DENND1B: variants seen among roughly 807,000 people sequenced by gnomAD.
DENND1B encodes the protein DENN domain containing 1B.
Under a neutral mutation model 90.1 loss-of-function variants are expected in DENND1B, and 59 were observed. The observed-to-expected ratio is 0.65, with a 90% confidence interval of 0.53 to 0.81. The LOEUF is 0.81. DENND1B is among the 40% of genes least tolerant of loss of function. DENND1B has a pLI of 0.00. For missense variants in DENND1B, 862 were observed against 912.6 expected (o/e 0.94, Z 0.71); for synonymous variants, 337 against 324.6 (o/e 1.04, Z -0.41).
intron 13 of DENND1B, among the ~76,000 whole-genome samples, chr1:197,600,466 C>CT (rs1676101509): frequency 6.6e-6 from 1 of 151,676 alleles, no homozygotes; most frequent in Non-Finnish European, 1.5e-5. Context: ...TCTGTGGATT[C>CT]TCCTCTTTAC....
chr1:197,613,165 G>A (rs1198575108), intron 11 of DENND1B, among the ~76,000 whole-genome samples: 1 of 150,560 alleles, frequency 6.6e-6, no homozygotes, highest in African/African-American at 2.4e-5. Flanking sequence ...AAATTTCTGT[G>A]TGTTCACTTT....
At chr1:197,666,395 C>T (rs1257028974) in intron 5 of DENND1B, among the ~76,000 whole-genome samples, 1 of 152,118 alleles carries the variant, frequency 6.6e-6, no homozygotes, top group East Asian at 1.9e-4. Flanking sequence ...GAACTAAATA[C>T]CAAAACATAA....
At chr1:197,743,896 G>A (rs1022588869) in intron 2 of DENND1B, among the ~76,000 whole-genome samples, 1 of 152,088 alleles carries the variant, frequency 6.6e-6, no homozygotes, top group African/African-American at 2.4e-5. Flanking sequence ...TAAACCCTTG[G>A]TTGTCATCTC....
At chr1:197,673,780 G>A (rs150341914) in intron 4 of DENND1B, among the ~76,000 whole-genome samples, 1 of 152,072 alleles carries the variant, frequency 6.6e-6, no homozygotes, top group Non-Finnish European at 1.5e-5. Flanking sequence ...CATACATCAA[G>A]ACATAATTCT....
chr1:197,555,155 C>T (rs1257718191), intron 15 of DENND1B, among the ~76,000 whole-genome samples: 1 of 152,008 alleles, frequency 6.6e-6, no homozygotes, highest in Non-Finnish European at 1.5e-5. Flanking sequence ...TGGAGTCTTA[C>T]ATCTCAAGAT....
chr1:197,628,770 C>T (rs1459827853), intron 10 of DENND1B, among the ~76,000 whole-genome samples: 1 of 151,840 alleles, frequency 6.6e-6, no homozygotes, highest in Non-Finnish European at 1.5e-5. Context: ...TTTTTGCAAC[C>T]TACTCATCTG....
Position 197,769,982 on chromosome 1 carries a change from T to TA in DENND1B, c.82+2885dup, listed in dbSNP as rs1391997506. ...AAAATTTACTTTTATAGCCCTCTTATAGTTATTGATTTTATTATTTATAGC... is the reference window on the plus strand; with the variant it reads ...AAAATTTACTTTTATAGCCCTCTTATAAGTTATTGATTTTATTATTTATAGC... On this transcript the variant is annotated intron_variant, in intron 2 of 22. Transcript: ENST00000620048. Among the ~76,000 whole-genome samples the TA allele has an allele frequency of 3.3e-5, 5 of 152,248 alleles. No homozygotes were observed. The East Asian group carries it at 7.7e-4, about 24-fold the overall frequency.
chr1:197,665,813 T>C (rs576980035), intron 5 of DENND1B, among the ~76,000 whole-genome samples: 18 of 152,210 alleles, frequency 1.2e-4, no homozygotes, highest in Admixed American at 4.6e-4. Flanking sequence ...AATGAGAAGA[T>C]TTTTATGAAA....
intron 15 of DENND1B, among the ~76,000 whole-genome samples, chr1:197,561,175 A>G (rs1440099932): frequency 6.6e-6 from 1 of 151,954 alleles, no homozygotes; most frequent in Non-Finnish European, 1.5e-5. Context: ...AAAATTCAAA[A>G]GAGCTGTCAG....
At chr1:197,717,737 A>G (rs1383840944) in intron 2 of DENND1B, among the ~76,000 whole-genome samples, 1 of 151,952 alleles carries the variant, frequency 6.6e-6, no homozygotes, top group Non-Finnish European at 1.5e-5. Context: ...TATTTTCCCA[A>G]TCAAATATTT....
chr1:197,707,853 G>A (rs1161927647), intron 3 of DENND1B, among the ~76,000 whole-genome samples: 37 of 147,442 alleles, frequency 2.5e-4, no homozygotes, highest in Admixed American at 1.7e-3. Context: ...GACAGTGGGC[G>A]CAGGCCAGTG....
chr1:197,731,310 T>C (rs1056346433), intron 2 of DENND1B, among the ~76,000 whole-genome samples: 3 of 152,092 alleles, frequency 2.0e-5, no homozygotes, highest in African/African-American at 4.8e-5. Context: ...AAAGAATAAA[T>C]TTGAAATTCA....
At chr1:197,552,537 A>G in intron 16 of DENND1B, 7 of 985,726 alleles carry the variant, frequency 7.1e-6, no homozygotes, top group Non-Finnish European at 7.2e-6. Flanking sequence ...GCAGTGATCT[A>G]TAAAGTCAAA....
chr1:197,543,096 G>A (rs1259642721), intron 18 of DENND1B, among the ~76,000 whole-genome samples: 1 of 151,810 alleles, frequency 6.6e-6, no homozygotes, highest in African/African-American at 2.4e-5. Flanking sequence ...CACCACACCT[G>A]GATAATTTTT....
intron 11 of DENND1B, 36 bp downstream of exon 11, chr1:197,617,623 C>G: frequency 1.4e-6 from 2 of 1,475,662 alleles, no homozygotes; most frequent in Non-Finnish European, 1.9e-6. Flanking sequence ...AATCATGAAA[C>G]CTAAACTTAA....
chr1:197,680,853 T>G (rs1419906786), intron 3 of DENND1B, among the ~76,000 whole-genome samples: 1 of 152,122 alleles, frequency 6.6e-6, no homozygotes, highest in Non-Finnish European at 1.5e-5. Flanking sequence ...CAAAAATTAC[T>G]GTCTATCTCA....
chr1:197,558,380 C>A (rs1174091186), intron 15 of DENND1B, among the ~76,000 whole-genome samples: 1 of 151,582 alleles, frequency 6.6e-6, no homozygotes, highest in African/African-American at 2.4e-5. Context: ...AGATCAATGA[C>A]ATTATTCCCT....
chr1:197,742,307 T>C (rs1290376313), intron 2 of DENND1B, among the ~76,000 whole-genome samples: 1 of 152,200 alleles, frequency 6.6e-6, no homozygotes, highest in African/African-American at 2.4e-5. Context: ...TTTTATACTT[T>C]AGTCTCATAT....
chr1:197,568,985 G>A (rs892758942), intron 15 of DENND1B, among the ~76,000 whole-genome samples: 1 of 151,982 alleles, frequency 6.6e-6, no homozygotes. Flanking sequence ...AAATAACAGA[G>A]TGAAGAGACA....
Sources: gnomAD v4.1 joint callset for allele counts (sites outside exome capture counted in the v4.1 genomes callset) on GRCh38, gnomAD v4.1.1 for gene constraint, MANE v1.5 for transcripts, NCBI Gene and HGNC (gene_info 2026-07-23, HGNC 2026-07-21) for gene names.